Variants in MAP4 observed in about 807,000 individuals in gnomAD.
The protein encoded by MAP4 is microtubule associated protein 4.
In MAP4, 76 loss-of-function variants were observed where a neutral mutation model predicts 170.2. That is an observed-to-expected ratio of 0.45 (90% CI 0.37 to 0.54). The LOEUF is 0.54. Among genes scored for constraint, MAP4 ranks in the 20% least tolerant of loss-of-function variants. The pLI is 0.00. For synonymous variants in MAP4, 909 were observed against 994.5 expected, an observed-to-expected ratio of 0.91 and a Z score of 1.62; for missense variants, 2,506 against 2,748.0, an observed-to-expected ratio of 0.91 and a Z score of 1.97.
intron 19 of MAP4, among the ~76,000 whole-genome samples, chr3:47,854,944 G>T (rs2052309555): frequency 6.6e-6 from 1 of 152,224 alleles, no homozygotes; most frequent in South Asian, 2.1e-4. Flanking sequence ...CCTGGGGGTG[G>T]TCTGTGTCCC....
chr3:47,955,477 CACACTA>C (rs984312058), intron 3 of MAP4, among the ~76,000 whole-genome samples: 4 of 146,434 alleles, frequency 2.7e-5, no homozygotes, highest in South Asian at 2.2e-4. Flanking sequence ...CACACACACA[CACACTA>C]GTCAACTATA....
chr3:47,891,516 C>T (rs753103581), intron 10 of MAP4: 3 of 1,515,212 alleles, frequency 2.0e-6, no homozygotes, highest in Non-Finnish European at 2.6e-6. Context: ...GAAGGCTCTT[C>T]TCGGGCAGGG....
At chr3:47,976,382 A>G (rs1184703998) in intron 3 of MAP4, among the ~76,000 whole-genome samples, 2 of 152,176 alleles carry the variant, frequency 1.3e-5, no homozygotes, top group Non-Finnish European at 2.9e-5. Context: ...TTCCTACTGG[A>G]GAAGAAATCT....
At chr3:47,921,251 T>C (rs2100042689) in intron 5 of MAP4, among the ~76,000 whole-genome samples, 1 of 152,212 alleles carries the variant, frequency 6.6e-6, no homozygotes, top group Non-Finnish European at 1.5e-5. Flanking sequence ...ATCTGACTTT[T>C]CTTAGTGGTT....
At chr3:47,962,256 TA>T (rs905595949) in intron 3 of MAP4, among the ~76,000 whole-genome samples, 1 of 152,216 alleles carries the variant, frequency 6.6e-6, no homozygotes, top group African/African-American at 2.4e-5. Flanking sequence ...ACTGGTTCAA[TA>T]AAAGTTTCTT....
chr3:48,048,799 T>C (rs1018052915), intron 1 of MAP4, among the ~76,000 whole-genome samples: 1 of 152,286 alleles, frequency 6.6e-6, no homozygotes, highest in Non-Finnish European at 1.5e-5. Context: ...CAGTTTTCAC[T>C]ATTTTTTTTA....
Position 48,067,083 on chromosome 3 carries a change from G to A in MAP4, c.-20+21690C>T, listed in dbSNP as rs1274667884. On this transcript the variant is annotated intron_variant, in intron 1 of 18. Transcript: ENST00000360240. ...TCTCGATCTTCTGACCTGGTAATCC[G>A]CCCACCTTAGCCTCCCAAAGTGCTG... Among the ~76,000 whole-genome samples the A allele has an allele frequency of 4.6e-5, 7 of 151,638 alleles. No homozygotes were observed. In the South Asian group the frequency reaches 8.3e-4, roughly 18 times the overall value.
intron 2 of MAP4, among the ~76,000 whole-genome samples, chr3:47,991,417 T>C (rs2100092118): frequency 6.6e-6 from 1 of 152,138 alleles, no homozygotes; most frequent in Non-Finnish European, 1.5e-5. Context: ...ACACCTGTAA[T>C]CCCAGTGCTT....
chr3:47,910,490 C>T lies in MAP4; in HGVS notation c.3931G>A (p.Ala1311Thr). Residue 1311 changes from alanine (A) to threonine (T), a missense_variant, in exon 9 of 21, where the codon GCT becomes ACT. Physicochemically the swap from Ala to Thr is moderately conservative, Grantham distance 58. Transcript: ENST00000683076. Reference protein sequence around the residue: ...LGENKISTVKASTVTEPPAKV... With the variant: ...LGENKISTVKTSTVTEPPAKV... The stretch of plus-strand genomic sequence containing the variant: ...GCAGGTGGTTCAGTAACAGTAGAAG[C>T]CTTGACTGTGCTTATCTTGTTTTCC... 1 of 1,536,084 alleles carries T rather than the reference C, an allele frequency of 6.5e-7. No individual in the cohort carries two copies. The highest frequency in any genetic ancestry group is 8.7e-7 in the Non-Finnish European group (1 of 1,146,898).
chr3:47,966,094 A>G (rs1200505544), intron 3 of MAP4, among the ~76,000 whole-genome samples: 1 of 152,010 alleles, frequency 6.6e-6, no homozygotes, highest in African/African-American at 2.4e-5. Context: ...AGGGAGAGAC[A>G]GGATTTCTCT....
In MAP4 at chr3:47,871,035, G is replaced by A; in HGVS notation, c.6072C>T (p.Ala2024=). Residue 2024 remains alanine (A), a synonymous_variant, in exon 15 of 21, where the codon GCC becomes GCT. Coordinates refer to ENST00000683076, the MANE Select transcript of MAP4 (RefSeq NM_001385682.1). The part of the protein sequence containing the change: ...MKKTTTLSGT[A]PAAGVVPSRV... Reference sequence around the variant, plus strand: ...GGCTGGGAACCACCCCTGCAGCGGGGGCTGTCCCACTGAGAGTGGTGGTTT... The same window carrying A: ...GGCTGGGAACCACCCCTGCAGCGGGAGCTGTCCCACTGAGAGTGGTGGTTT... 1 of 1,614,036 alleles carries A rather than the reference G, an allele frequency of 6.2e-7. No homozygotes were observed. Among genetic ancestry groups the A allele is most frequent in the East Asian group, 2.2e-5 (1 of 44,878 alleles).
At chr3:48,028,872 G>T (rs2100114434) in intron 1 of MAP4, among the ~76,000 whole-genome samples, 1 of 152,036 alleles carries the variant, frequency 6.6e-6, no homozygotes, top group South Asian at 2.1e-4. Context: ...GTCAGGCACC[G>T]TGGCAAAGGT....
At chr3:47,923,362 GC>G (rs912988493) in intron 4 of MAP4, among the ~76,000 whole-genome samples, 5 of 151,264 alleles carry the variant, frequency 3.3e-5, no homozygotes, top group African/African-American at 1.2e-4. Context: ...GGAGACCACT[GC>G]ATCGGGAAGT....
At chr3:48,064,012 T>A (rs1358583794) in intron 1 of MAP4, among the ~76,000 whole-genome samples, 1 of 152,212 alleles carries the variant, frequency 6.6e-6, no homozygotes, top group African/African-American at 2.4e-5. Flanking sequence ...CTCCCAGCTG[T>A]CCTTGTTCAT....
At chr3:48,086,133 T>C (rs758114237) in intron 1 of MAP4, among the ~76,000 whole-genome samples, 2 of 150,942 alleles carry the variant, frequency 1.3e-5, no homozygotes, top group African/African-American at 2.5e-5. Context: ...TGTATGTGTG[T>C]GCACGTATAT....
chr3:48,075,362 CAAAAATAT>C (rs1448585854), intron 1 of MAP4, among the ~76,000 whole-genome samples: 1 of 151,748 alleles, frequency 6.6e-6, no homozygotes, highest in Non-Finnish European at 1.5e-5. Context: ...CCGTCTCTAC[CAAAAATAT>C]AAAAATTAGC....
chr3:47,874,578 A>G (rs915959573), intron 12 of MAP4, among the ~76,000 whole-genome samples: 1 of 151,822 alleles, frequency 6.6e-6, no homozygotes. Flanking sequence ...TCTCCTTCCT[A>G]CTCTCCTCTG....
intron 3 of MAP4, among the ~76,000 whole-genome samples, chr3:47,941,305 C>T (rs2100056250): frequency 6.8e-6 from 1 of 146,410 alleles, no homozygotes; most frequent in Admixed American, 6.8e-5. Flanking sequence ...AAATCAAATA[C>T]CCATAGTTAC....
At chr3:47,893,926 C>G (rs1012462542) in intron 10 of MAP4, among the ~76,000 whole-genome samples, 2 of 152,046 alleles carry the variant, frequency 1.3e-5, no homozygotes, top group African/African-American at 4.8e-5. Flanking sequence ...AAACTGTAGC[C>G]TCTGTCCCCA....
Sources: allele counts gnomAD v4.1 joint callset (sites outside exome capture counted in the v4.1 genomes callset), GRCh38; gene constraint gnomAD v4.1.1; transcripts MANE v1.5; gene names NCBI Gene and HGNC (gene_info 2026-07-23, HGNC 2026-07-21).